Variants in CACNA2D3 observed in about 807,000 individuals in gnomAD.
CACNA2D3 encodes voltage-dependent calcium channel subunit alpha-2/delta-3.
Under a neutral mutation model 160.6 loss-of-function variants are expected in CACNA2D3, and 60 were observed. The ratio of observed to expected loss-of-function variants is 0.37; its 90% confidence interval spans 0.30 to 0.46. The LOEUF (loss-of-function observed/expected upper bound fraction) is 0.46. Among genes scored for constraint, CACNA2D3 ranks in the 20% least tolerant of loss-of-function variants. The probability of loss-of-function intolerance (pLI) is 1.00; values close to 1 mark genes in which losing one functional copy is unlikely to be tolerated. For missense variants in CACNA2D3, 1,205 were observed against 1,365.0 expected, an observed-to-expected ratio of 0.88 and a Z score of 1.85; for synonymous variants, 558 against 492.9, an observed-to-expected ratio of 1.13 and a Z score of -1.75.
At chr3:54,730,636 G>T (rs1701367239) in intron 11 of CACNA2D3, among the ~76,000 whole-genome samples, 1 of 152,064 alleles carries the variant, frequency 6.6e-6, no homozygotes, top group Non-Finnish European at 1.5e-5. Context: ...CCAAGTAGCT[G>T]GAATTACAGG....
At chr3:54,231,139 C>T (rs1165428146) in intron 2 of CACNA2D3, among the ~76,000 whole-genome samples, 1 of 152,130 alleles carries the variant, frequency 6.6e-6, no homozygotes, top group African/African-American at 2.4e-5. Context: ...GGTGCCTCCC[C>T]AGGGAGAGGA....
chr3:54,614,078 T>C (rs1048939905), intron 9 of CACNA2D3, among the ~76,000 whole-genome samples: 7 of 152,188 alleles, frequency 4.6e-5, no homozygotes, highest in Admixed American at 3.9e-4. Flanking sequence ...CACAGCATGT[T>C]GTACTTGGTG....
intron 18 of CACNA2D3, among the ~76,000 whole-genome samples, chr3:54,872,405 T>C (rs1699556237): frequency 6.6e-6 from 1 of 152,086 alleles, no homozygotes; most frequent in South Asian, 2.1e-4. Context: ...TAAGAGTGTG[T>C]CTGTGCTGAG....
At position 54,569,970 on chromosome 3, in the gene CACNA2D3, A is replaced by G; in HGVS notation, c.754A>G (p.Thr252Ala). 6.2e-7 allele frequency: 1 copy of G among 1,613,952 alleles called. No homozygotes were observed. The highest frequency in any genetic ancestry group is 8.5e-7 in the Non-Finnish European group (1 of 1,179,860). ...TTGACCTAGGTACATCCAGGCAGCA[A>G]CTTCTCCGAAAGACGTGGTCATTTT... ...RNRKWYIQAA[T>A]SPKDVVILVD... is the part of the protein sequence containing the mutation. Residue 252 changes from threonine to alanine, a missense_variant, in exon 8 of 38, where the codon ACT (threonine) becomes GCT (alanine). Physicochemically the swap from Thr to Ala is moderately conservative, Grantham distance 58 (BLOSUM62 0). Around this residue, in one of 3 missense-constraint regions of CACNA2D3, gnomAD observed 131 missense variants for 201.5 expected, o/e 0.65. Coordinates refer to ENST00000474759, the MANE Select transcript of CACNA2D3 (RefSeq NM_018398.3).
chr3:54,646,174 C>T, intron 11 of CACNA2D3, among the ~76,000 whole-genome samples: 1 of 26,144 alleles, frequency 3.8e-5, no homozygotes, highest in Non-Finnish European at 8.5e-5. Context: ...CTCCCTCCCT[C>T]CCTCCCTCCC....
At chr3:54,727,744 C>A (rs1171510195) in intron 11 of CACNA2D3, among the ~76,000 whole-genome samples, 2 of 152,252 alleles carry the variant, frequency 1.3e-5, no homozygotes, top group East Asian at 3.9e-4. Flanking sequence ...ACATCACACA[C>A]CAGGGCCTGT....
intron 14 of CACNA2D3, among the ~76,000 whole-genome samples, chr3:54,818,321 C>G (rs1056055751): frequency 1.3e-5 from 2 of 152,142 alleles, no homozygotes; most frequent in African/African-American, 4.8e-5. Flanking sequence ...ATAGCTGGGA[C>G]AGACATGCGC....
chr3:54,221,281 C>G (rs377527860), intron 2 of CACNA2D3, among the ~76,000 whole-genome samples: 1 of 152,134 alleles, frequency 6.6e-6, no homozygotes, highest in African/African-American at 2.4e-5. Context: ...AGGGTGGGAT[C>G]GTGGGAATGG....
chr3:54,934,311 GAGA>G (rs1204078587), intron 27 of CACNA2D3, among the ~76,000 whole-genome samples: 1 of 152,206 alleles, frequency 6.6e-6, no homozygotes, highest in African/African-American at 2.4e-5. Flanking sequence ...CTCAGGAGGT[GAGA>G]ACATAGTTCC....
At chr3:54,530,584 T>C (rs1329536772) in intron 5 of CACNA2D3, among the ~76,000 whole-genome samples, 2 of 152,176 alleles carry the variant, frequency 1.3e-5, no homozygotes, top group Non-Finnish European at 2.9e-5. Context: ...AATGTAACAT[T>C]ACTATTTTTG....
At position 54,946,529 on chromosome 3, in the gene CACNA2D3, G is replaced by A. The variant is rs569248064; in HGVS notation, c.2450-21921G>A. Among the ~76,000 whole-genome samples, 108 of 152,256 alleles carry A rather than the reference G, an allele frequency of 7.1e-4. 2 individuals carry two copies. Among genetic ancestry groups the A allele is most frequent in the Admixed American group, 1.4e-3 (21 of 15,300 alleles). On this transcript the variant is annotated intron_variant, in intron 27 of 37. Coordinates refer to ENST00000474759, the MANE Select transcript of CACNA2D3 (RefSeq NM_018398.3). ...CGTTAGCAGCAGGAAAGAAGAGAAA[G>A]CCTCTTAGAAACAGCCCTTCCAGTG...
chr3:54,182,870 C>A (rs1414627164), intron 2 of CACNA2D3, among the ~76,000 whole-genome samples: 1 of 152,094 alleles, frequency 6.6e-6, no homozygotes. Context: ...TGAATAGAAG[C>A]CGATGCACAA....
At chr3:54,479,055 T>C (rs1332494170) in intron 4 of CACNA2D3, among the ~76,000 whole-genome samples, 1 of 152,010 alleles carries the variant, frequency 6.6e-6, no homozygotes, top group Admixed American at 6.6e-5. Flanking sequence ...ACATGTGTTG[T>C]GGGAGGGACC....
chr3:54,552,601 A>G (rs1702176691), intron 5 of CACNA2D3, among the ~76,000 whole-genome samples: 1 of 152,182 alleles, frequency 6.6e-6, no homozygotes, highest in Admixed American at 6.5e-5. Context: ...CATCTGTAAA[A>G]TGTGGCTAGG....
intron 3 of CACNA2D3, among the ~76,000 whole-genome samples, chr3:54,364,334 TCC>T (rs942287477): frequency 6.6e-6 from 1 of 152,236 alleles, no homozygotes; most frequent in Non-Finnish European, 1.5e-5. Context: ...GAAAAATCTC[TCC>T]CTTCGGAATA....
chr3:54,412,628 A>T (rs1447637831), intron 4 of CACNA2D3, among the ~76,000 whole-genome samples: 1 of 21,302 alleles, frequency 4.7e-5, no homozygotes, highest in African/African-American at 1.3e-4. Context: ...TTTTAGTCTG[A>T]CAACCTCTGC....
Position 54,444,086 on chromosome 3 carries a change from A to G in CACNA2D3, c.381+57312A>G, listed in dbSNP as rs532106272. 2.6e-5 allele frequency among the ~76,000 whole-genome samples: 4 copies of G among 152,234 alleles called. No individual in the cohort carries two copies. In the East Asian group the frequency reaches 7.7e-4, roughly 29 times the overall value. On this transcript the variant is annotated intron_variant, in intron 4 of 37. Coordinates refer to ENST00000474759, the MANE Select transcript of CACNA2D3 (RefSeq NM_018398.3). Reference sequence around the variant, plus strand: ...TTGTTTATCAAAGGCAATGGGTATGACACCGCATTTCCCCCTTATCTATTT... The same window carrying G: ...TTGTTTATCAAAGGCAATGGGTATGGCACCGCATTTCCCCCTTATCTATTT...
At chr3:54,413,403 TATATCTATATATATAG>T (rs1417932484) in intron 4 of CACNA2D3, among the ~76,000 whole-genome samples, 21 of 147,302 alleles carry the variant, frequency 1.4e-4, no homozygotes, top group East Asian at 3.9e-4. Context: ...TATATCTATA[TATATCTATATATATAG>T]ATATCTATAT....
At chr3:54,769,916 G>A (rs1167311296) in intron 13 of CACNA2D3, among the ~76,000 whole-genome samples, 1 of 152,162 alleles carries the variant, frequency 6.6e-6, no homozygotes, top group African/African-American at 2.4e-5. Flanking sequence ...ATGTCTGGGG[G>A]TGGGTGCCTG....
Sources: allele counts gnomAD v4.1 joint callset (sites outside exome capture counted in the v4.1 genomes callset), GRCh38; gene constraint gnomAD v4.1.1; regional missense constraint gnomAD v4.1.1; transcripts MANE v1.5; gene names NCBI Gene and HGNC (gene_info 2026-07-23, HGNC 2026-07-21).